Variants in LPIN1 observed in about 807,000 individuals in gnomAD.
LPIN1 encodes the protein lipin 1, also known as phosphatidate phosphatase LPIN1.
LPIN1 carries 71 observed loss-of-function variants against 107.5 expected under a neutral mutation model. The ratio of observed to expected loss-of-function variants is 0.66; its 90% CI spans 0.55 to 0.80. The LOEUF (loss-of-function observed/expected upper bound fraction) is 0.80, where lower values mean the gene tolerates loss of function less well. LPIN1 is among the 30% of genes least tolerant of loss of function. The pLI is 0.00. For synonymous variants in LPIN1, 445 were observed against 452.6 expected, an observed-to-expected ratio of 0.98 and a Z score of 0.21; for missense variants, 1,043 against 1,160.6, an observed-to-expected ratio of 0.90 and a Z score of 1.47.
intron 17 of LPIN1, among the ~76,000 whole-genome samples, chr2:11,811,023 G>A (rs1167169225): frequency 6.6e-6 from 1 of 152,112 alleles, no homozygotes; most frequent in East Asian, 1.9e-4. Flanking sequence ...AGAGGAACAG[G>A]GGTGATGTGT....
At chr2:11,710,726 G>A (rs887213195) in intron 1 of LPIN1, among the ~76,000 whole-genome samples, 10 of 152,044 alleles carry the variant, frequency 6.6e-5, no homozygotes, top group African/African-American at 2.4e-4. Flanking sequence ...TCTTGCCAAA[G>A]GCCACACAGC....
At chr2:11,777,015 T>G (rs1672775591) in intron 6 of LPIN1, among the ~76,000 whole-genome samples, 1 of 152,362 alleles carries the variant, frequency 6.6e-6, no homozygotes, top group East Asian at 1.9e-4. Context: ...ACTAGCCTTA[T>G]TGGGACTGGC....
chr2:11,744,888 T>C (rs2148562738), upstream of LPIN1, among the ~76,000 whole-genome samples: 1 of 152,310 alleles, frequency 6.6e-6, no homozygotes, highest in South Asian at 2.1e-4. Context: ...CAAGATTCTC[T>C]TTGTGTAGCT....
At chr2:11,793,919 C>T (rs1177203170) in intron 13 of LPIN1, among the ~76,000 whole-genome samples, 1 of 152,100 alleles carries the variant, frequency 6.6e-6, no homozygotes, top group Non-Finnish European at 1.5e-5. Context: ...AGGGGTTCAG[C>T]AAATATTTGT....
intron 14 of LPIN1, among the ~76,000 whole-genome samples, chr2:11,799,534 C>T (rs1450285468): frequency 6.6e-6 from 1 of 151,906 alleles, no homozygotes. Context: ...ACATTTACCC[C>T]ATCTGAAAAC....
intron 1 of LPIN1, among the ~76,000 whole-genome samples, chr2:11,736,115 C>T (rs1444235584): frequency 6.6e-6 from 1 of 152,194 alleles, no homozygotes; most frequent in Non-Finnish European, 1.5e-5. Flanking sequence ...GTTGGGGCAG[C>T]CTGGGGAAGA....
chr2:11,795,984 G>C (rs1297386157), intron 14 of LPIN1, among the ~76,000 whole-genome samples: 7 of 152,190 alleles, frequency 4.6e-5, no homozygotes, highest in African/African-American at 1.7e-4. Context: ...ATACTGATCC[G>C]TATTTGTGGT....
At position 11,771,735 on chromosome 2, in the gene LPIN1, A is replaced by G. The variant is rs376325486; in HGVS notation, c.596+56A>G. 1.5e-5 allele frequency: 22 copies of G among 1,477,672 alleles called. No individual in the cohort carries two copies. The East Asian group carries it at 4.9e-4, about 33-fold the overall frequency. The allele number at this position is 1,477,672 out of a possible 1,614,324, so 91.5% of individuals were successfully genotyped here. A position where few individuals can be genotyped will look rare whatever the true frequency, so the allele number is the denominator to read the frequency against. ...CCAGAATCAGACAGTTAACTGTTCAAGATTATTTTTATGAACTTTTCCCCC... is the reference window on the plus strand; with the variant it reads ...CCAGAATCAGACAGTTAACTGTTCAGGATTATTTTTATGAACTTTTCCCCC... On this transcript the variant is annotated intron_variant, in intron 4 of 20. Transcript: ENST00000674199. The surrounding 1 kb of genome is among the most constrained non-coding windows in gnomAD (Gnocchi z 4.8).
intron 1 of LPIN1, 104 bp downstream of exon 1, chr2:11,746,775 G>T: frequency 1.9e-6 from 1 of 525,842 alleles, no homozygotes; most frequent in Non-Finnish European, 2.4e-6. Flanking sequence ...GCGTGGCGAG[G>T]CGGGGGCTCG....
chr2:11,732,213 G>A (rs1665305801), intron 1 of LPIN1, among the ~76,000 whole-genome samples: 1 of 152,170 alleles, frequency 6.6e-6, no homozygotes, highest in South Asian at 2.1e-4. Flanking sequence ...TTATTTTGTT[G>A]TTGTTGGAGG....
At chr2:11,691,590 A>T (rs901999919) in intron 1 of LPIN1, among the ~76,000 whole-genome samples, 1 of 152,098 alleles carries the variant, frequency 6.6e-6, no homozygotes, top group Non-Finnish European at 1.5e-5. Flanking sequence ...GTTCTTGCAC[A>T]CTGACTGCTG....
intron 1 of LPIN1, among the ~76,000 whole-genome samples, chr2:11,751,620 A>G (rs1244404503): frequency 1.3e-5 from 2 of 152,308 alleles, no homozygotes; most frequent in Non-Finnish European, 1.5e-5. Context: ...TCGGAGGCCG[A>G]GATGGGTGGA....
rs142456002 is a variant in LPIN1, at chr2:11,767,772, G to C, written c.202G>C (p.Glu68Gln). 1 of 1,608,394 alleles carries C rather than the reference G, an allele frequency of 6.2e-7. No homozygotes were observed. Among genetic ancestry groups the C allele is most frequent in the African/African-American group, 1.3e-5 (1 of 74,844 alleles). ...LRSREKVVDI[E>Q]INGESVDLHM... ...CATGTTTTCCCTTCAGGTTGACATA[G>C]AAATCAATGGGGAATCTGTGGATTT... Residue 68 changes from glutamate (E) to glutamine (Q), a missense_variant, in exon 3 of 21, where the codon GAA (glutamate) becomes CAA (glutamine). Transcript: ENST00000674199.
intron 1 of LPIN1, among the ~76,000 whole-genome samples, chr2:11,738,508 A>G (rs577896064): frequency 7.2e-5 from 11 of 151,972 alleles, no homozygotes; most frequent in Non-Finnish European, 1.6e-4. Context: ...TCCTGATGGA[A>G]TAACAGGGAG....
In LPIN1 at chr2:11,779,585, G is replaced by C; in HGVS notation, c.897G>C (p.Arg299Ser). ...DSELVSKSTE[R>S]TGQKNPEMLW... The stretch of plus-strand genomic sequence containing the variant: ...AATTGGTCAGCAAGTCCACGGAAAG[G>C]ACAGGGCAGAAGAACCCAGAAATGC... Residue 299 changes from arginine (R) to serine (S), a missense_variant, in exon 7 of 21, where the codon AGG becomes AGC. Transcript: ENST00000674199. The C allele has an allele frequency of 6.2e-7, 1 of 1,614,148 alleles. No individual in the cohort carries two copies.
intron 1 of LPIN1, among the ~76,000 whole-genome samples, chr2:11,762,281 C>T (rs879453814): frequency 6.6e-6 from 1 of 152,130 alleles, no homozygotes; most frequent in Non-Finnish European, 1.5e-5. Flanking sequence ...CCCCAGCCTC[C>T]CAGCACTGCC....
chr2:11,728,422 A>G (rs1408529754), intron 1 of LPIN1, among the ~76,000 whole-genome samples: 1 of 152,160 alleles, frequency 6.6e-6, no homozygotes, highest in Non-Finnish European at 1.5e-5. Context: ...TCATTCTGTC[A>G]TCCAGGCTAG....
chr2:11,792,075 C>T (rs1675848300), intron 13 of LPIN1, 69 bp downstream of exon 13: 1 of 1,264,522 alleles, frequency 7.9e-7, no homozygotes, highest in Admixed American at 1.8e-5. Flanking sequence ...GATTGGTTTT[C>T]ATGTACTTAC....
intron 2 of LPIN1, among the ~76,000 whole-genome samples, chr2:11,714,788 A>T (rs1032070658): frequency 1.3e-5 from 2 of 152,236 alleles, no homozygotes; most frequent in Non-Finnish European, 2.9e-5. Context: ...GAACAAAAGT[A>T]ACACTTAGTC....
Sources: gnomAD v4.1 joint callset for allele counts (sites outside exome capture counted in the v4.1 genomes callset) on GRCh38, gnomAD v4.1.1 for gene constraint, Gnocchi (gnomAD v3.1) non-coding constraint, MANE v1.5 for transcripts, NCBI Gene and HGNC (gene_info 2026-07-23, HGNC 2026-07-21) for gene names.